SPATA17: variants seen among roughly 807,000 people sequenced by gnomAD.
SPATA17 encodes the protein spermatogenesis associated 17.
A neutral mutation model predicts 62.2 loss-of-function variants in SPATA17; 53 were observed. The observed-to-expected ratio is 0.85, with a 90% CI of 0.68 to 1.07. The LOEUF (loss-of-function observed/expected upper bound fraction) is 1.07, where lower values mean the gene tolerates loss of function less well. Among genes scored for constraint, SPATA17 ranks in the 50% least tolerant of loss-of-function variants. SPATA17 has a pLI of 0.00. For synonymous variants in SPATA17, 146 were observed against 146.8 expected, an observed-to-expected ratio of 0.99 and a Z score of 0.04; for missense variants, 466 against 425.5, an observed-to-expected ratio of 1.10 and a Z score of -0.84.
At chr1:217,798,905 T>TCA (rs1017905839) in intron 8 of SPATA17, among the ~76,000 whole-genome samples, 1 of 150,224 alleles carries the variant, frequency 6.7e-6, no homozygotes, top group African/African-American at 2.5e-5. Flanking sequence ...AGACGGAGTC[T>TCA]CACTCTGTCG....
chr1:217,703,322 C>T (rs2102921059), intron 5 of SPATA17, among the ~76,000 whole-genome samples: 1 of 152,174 alleles, frequency 6.6e-6, no homozygotes, highest in South Asian at 2.1e-4. Flanking sequence ...CAGGCACCCA[C>T]CACCATGCCC....
At chr1:217,854,347 C>G (rs926949907) in intron 9 of SPATA17, among the ~76,000 whole-genome samples, 2 of 152,068 alleles carry the variant, frequency 1.3e-5, no homozygotes, top group Admixed American at 6.6e-5. Context: ...AAATAAGGAA[C>G]CTGTGAATAG....
At chr1:217,842,689 A>C (rs1188783758) in intron 9 of SPATA17, among the ~76,000 whole-genome samples, 2 of 151,924 alleles carry the variant, frequency 1.3e-5, no homozygotes, top group African/African-American at 4.8e-5. Context: ...AGGATTTTTA[A>C]ATTTCATCAA....
At chr1:217,680,907 A>G (rs1478594174) in intron 4 of SPATA17, among the ~76,000 whole-genome samples, 1 of 126,128 alleles carries the variant, frequency 7.9e-6, no homozygotes, top group Non-Finnish European at 1.6e-5. Context: ...ACTGGGTGAC[A>G]GAGTGAGACT....
chr1:217,685,911 T>G (rs1346684508), intron 5 of SPATA17, among the ~76,000 whole-genome samples: 1 of 152,168 alleles, frequency 6.6e-6, no homozygotes, highest in East Asian at 1.9e-4. Flanking sequence ...ATCTTTATTA[T>G]AGTATATTGT....
intron 7 of SPATA17, among the ~76,000 whole-genome samples, chr1:217,774,827 A>C (rs1673549327): frequency 6.6e-6 from 1 of 152,096 alleles, no homozygotes; most frequent in Non-Finnish European, 1.5e-5. Flanking sequence ...ATATGTCCGA[A>C]TTTCCTTCTT....
At chr1:217,651,049 C>T in intron 2 of SPATA17, 48 bp from the exon 3 acceptor site, 1 of 1,391,908 alleles carries the variant, frequency 7.2e-7, no homozygotes. Flanking sequence ...ATTTAACTGA[C>T]CTTGTTTCAA....
At chr1:217,704,646 G>C (rs1000057951) in intron 5 of SPATA17, among the ~76,000 whole-genome samples, 3 of 152,100 alleles carry the variant, frequency 2.0e-5, no homozygotes, top group Non-Finnish European at 4.4e-5. Context: ...GTGAGAACTT[G>C]TGGTATTTGA....
At chr1:217,657,401 A>C (rs1670468460) in intron 3 of SPATA17, among the ~76,000 whole-genome samples, 1 of 152,160 alleles carries the variant, frequency 6.6e-6, no homozygotes, top group Non-Finnish European at 1.5e-5. Flanking sequence ...ATTGCCTCGG[A>C]GCTTAGGTTT....
At chr1:217,730,337 C>A (rs1672375977) in intron 5 of SPATA17, among the ~76,000 whole-genome samples, 1 of 151,726 alleles carries the variant, frequency 6.6e-6, no homozygotes, top group Non-Finnish European at 1.5e-5. Flanking sequence ...CCTGCCTCAG[C>A]CTCAGAGTAC....
At chr1:217,780,193 A>G (rs1172593721) in intron 7 of SPATA17, among the ~76,000 whole-genome samples, 1 of 152,174 alleles carries the variant, frequency 6.6e-6, no homozygotes, top group Non-Finnish European at 1.5e-5. Context: ...ATTGCCTGAT[A>G]TCCAAAAAAG....
At chr1:217,639,148 G>A (rs1338677277) in intron 1 of SPATA17, among the ~76,000 whole-genome samples, 1 of 152,088 alleles carries the variant, frequency 6.6e-6, no homozygotes. Context: ...CTACTTCTTA[G>A]ATATTATCTG....
chr1:217,714,218 T>G (rs1199000396), intron 5 of SPATA17, among the ~76,000 whole-genome samples: 1 of 151,788 alleles, frequency 6.6e-6, no homozygotes, highest in African/African-American at 2.4e-5. Context: ...TGAAACCCCA[T>G]CTCTACTAAA....
chr1:217,664,726 C>A (rs184787537), intron 3 of SPATA17, among the ~76,000 whole-genome samples: 9 of 152,110 alleles, frequency 5.9e-5, no homozygotes, highest in South Asian at 2.1e-4. Flanking sequence ...GTTGAATAAC[C>A]TCAGATTAGA....
chr1:217,743,105 A>G (rs1185762577), intron 6 of SPATA17, among the ~76,000 whole-genome samples: 1 of 151,882 alleles, frequency 6.6e-6, no homozygotes, highest in Non-Finnish European at 1.5e-5. Flanking sequence ...TAGCTGAGTT[A>G]TCTTCATTTG....
intron 5 of SPATA17, among the ~76,000 whole-genome samples, chr1:217,705,510 G>T (rs1266585125): frequency 8.6e-6 from 1 of 116,062 alleles, no homozygotes; most frequent in African/African-American, 3.3e-5. Flanking sequence ...GAGCAATCTT[G>T]GTTCACTGCA....
intron 4 of SPATA17, among the ~76,000 whole-genome samples, chr1:217,670,231 G>A (rs1670801898): frequency 6.6e-6 from 1 of 152,032 alleles, no homozygotes; most frequent in Admixed American, 6.6e-5. Context: ...CATGTCAGAT[G>A]TATCTCCAAA....
chr1:217,856,809 A>G (rs950523511), intron 9 of SPATA17, among the ~76,000 whole-genome samples: 2 of 152,220 alleles, frequency 1.3e-5, no homozygotes, highest in African/African-American at 4.8e-5. Context: ...TCCTCATGTC[A>G]TCACAGTTTT....
intron 7 of SPATA17, among the ~76,000 whole-genome samples, chr1:217,780,434 T>A (rs914729691): frequency 6.6e-6 from 1 of 152,182 alleles, no homozygotes; most frequent in Admixed American, 6.5e-5. Flanking sequence ...AAAGGAAGAC[T>A]GAGTTTACTT....
Sources: gnomAD v4.1 joint callset for allele counts (sites outside exome capture counted in the v4.1 genomes callset) on GRCh38, gnomAD v4.1.1 for gene constraint, MANE v1.5 for transcripts, NCBI Gene and HGNC (gene_info 2026-07-23, HGNC 2026-07-21) for gene names.